TMEM178B: variants seen among roughly 807,000 people sequenced by gnomAD.
TMEM178B encodes transmembrane protein 178B.
TMEM178B carries 5 observed loss-of-function variants against 31.0 expected under a neutral mutation model. The ratio of observed to expected loss-of-function variants is 0.16; its 90% CI spans 0.08 to 0.34. The LOEUF (loss-of-function observed/expected upper bound fraction) is 0.34. Ranked by LOEUF, TMEM178B falls within the 10% of genes least tolerant of loss-of-function variation. The pLI is 1.00. For synonymous variants in TMEM178B, 164 were observed against 164.0 expected (o/e 1.00, Z 0.00); for missense variants, 275 against 400.3 (o/e 0.69, Z 2.67).
intron 2 of TMEM178B, among the ~76,000 whole-genome samples, chr7:141,427,807 C>A (rs1394841014): frequency 6.6e-6 from 1 of 152,124 alleles, no homozygotes; most frequent in African/African-American, 2.4e-5. Context: ...ATACATCTGA[C>A]AAGGGATTAA....
chr7:141,352,893 T>G (rs913086442), intron 2 of TMEM178B: 8 of 152,200 alleles, frequency 5.3e-5, no homozygotes, highest in African/African-American at 1.9e-4. Context: ...AGAAGTTTGT[T>G]GAGTATCCCA....
intron 2 of TMEM178B, among the ~76,000 whole-genome samples, chr7:141,368,705 T>C (rs977470122): frequency 1.2e-4 from 19 of 152,240 alleles, no homozygotes; most frequent in South Asian, 6.2e-4. Flanking sequence ...CTGGTTATCA[T>C]AGAAATCCTG....
chr7:141,141,405 A>C (rs908532611), intron 1 of TMEM178B, among the ~76,000 whole-genome samples: 1 of 152,150 alleles, frequency 6.6e-6, no homozygotes, highest in East Asian at 1.9e-4. Flanking sequence ...CTTTTATTGG[A>C]GAATGGCTTT....
chr7:141,188,488 C>T lies in TMEM178B; in HGVS notation c.383-24103C>T, dbSNP rs12703364. Among the ~76,000 whole-genome samples, 206 of 152,280 alleles carry T rather than the reference C, an allele frequency of 1.4e-3. 1 individual carries two copies. The highest frequency in any genetic ancestry group is 2.3e-3 in the Non-Finnish European group (155 of 68,022). ...GTAACTGCTCTTATTGGATGTAGGA[C>T]GAAACTGAGTCAGCAAGAAGTCAAG... On this transcript the variant is annotated intron_variant, in intron 1 of 3. Transcript: ENST00000565468.
chr7:141,404,348 G>A (rs958659741), intron 2 of TMEM178B, among the ~76,000 whole-genome samples: 17 of 152,078 alleles, frequency 1.1e-4, no homozygotes, highest in African/African-American at 3.9e-4. Flanking sequence ...CAAAAACAAC[G>A]GAAATTTATT....
chr7:141,193,688 G>A (rs1481679477), intron 1 of TMEM178B, among the ~76,000 whole-genome samples: 1 of 152,190 alleles, frequency 6.6e-6, no homozygotes, highest in Non-Finnish European at 1.5e-5. Context: ...GGGCTCCTGT[G>A]CATCCACCCT....
Position 141,329,838 on chromosome 7 carries a change from C to T in TMEM178B, c.497-107770C>T, listed in dbSNP as rs573039681. On this transcript the variant is annotated intron_variant, in intron 2 of 3. Coordinates refer to ENST00000565468, the MANE Select transcript of TMEM178B (RefSeq NM_001195278.2). ...AATAAAATAGGAGATGTGATCCCAG[C>T]TCATAAAGAGCTAAAAACAATCTGG... 1.4e-4 allele frequency among the ~76,000 whole-genome samples: 22 copies of T among 152,326 alleles called. No homozygotes were observed. The South Asian group carries it at 2.9e-3, about 20-fold the overall frequency.
chr7:141,333,209 C>T (rs1032362127), intron 2 of TMEM178B, among the ~76,000 whole-genome samples: 15 of 152,324 alleles, frequency 9.8e-5, no homozygotes, highest in African/African-American at 3.1e-4. Context: ...AGCTTGATCA[C>T]GCGTTAGTTG....
chr7:141,123,151 T>G (rs1450715004), intron 1 of TMEM178B, among the ~76,000 whole-genome samples: 1 of 152,252 alleles, frequency 6.6e-6, no homozygotes, highest in East Asian at 1.9e-4. Flanking sequence ...TGTCTCTTGA[T>G]GCTGTATCAA....
intron 3 of TMEM178B, among the ~76,000 whole-genome samples, chr7:141,443,187 T>C (rs372435942): frequency 6.6e-6 from 1 of 152,240 alleles, no homozygotes; most frequent in Non-Finnish European, 1.5e-5. Flanking sequence ...AGACTTCCCA[T>C]AGTATCCTCT....
intron 1 of TMEM178B, among the ~76,000 whole-genome samples, chr7:141,185,648 T>A (rs1796598472): frequency 6.6e-6 from 1 of 152,118 alleles, no homozygotes; most frequent in African/African-American, 2.4e-5. Flanking sequence ...GTCTTCTGGC[T>A]AGGGTCTCTG....
At chr7:141,237,821 C>T (rs1221780208) in intron 2 of TMEM178B, among the ~76,000 whole-genome samples, 5 of 151,886 alleles carry the variant, frequency 3.3e-5, no homozygotes, top group African/African-American at 1.2e-4. Flanking sequence ...GTCAGGAGCT[C>T]GAGAGCAGCC....
chr7:141,365,564 G>A (rs913552541), intron 2 of TMEM178B, among the ~76,000 whole-genome samples: 1 of 152,194 alleles, frequency 6.6e-6, no homozygotes, highest in African/African-American at 2.4e-5. Flanking sequence ...TCTTGACACA[G>A]AGCTAAATCA....
intron 2 of TMEM178B, among the ~76,000 whole-genome samples, chr7:141,324,087 G>T (rs1415226103): frequency 6.6e-6 from 1 of 152,116 alleles, no homozygotes; most frequent in Admixed American, 6.6e-5. Context: ...GTAAGAGAGA[G>T]CTTAGTGGGA....
chr7:141,278,183 G>A (rs190735084), intron 2 of TMEM178B, among the ~76,000 whole-genome samples: 1 of 152,356 alleles, frequency 6.6e-6, no homozygotes, highest in African/African-American at 2.4e-5. Flanking sequence ...ACAATCTCAA[G>A]CTTCAGAATG....
chr7:141,342,967 G>C (rs1799544527), intron 2 of TMEM178B, among the ~76,000 whole-genome samples: 1 of 152,194 alleles, frequency 6.6e-6, no homozygotes, highest in African/African-American at 2.4e-5. Context: ...CTGTACCACT[G>C]TTTCTCAAAC....
intron 2 of TMEM178B, among the ~76,000 whole-genome samples, chr7:141,390,125 GAA>G (rs1800508097): frequency 7.7e-6 from 1 of 129,282 alleles, no homozygotes; most frequent in African/African-American, 3.0e-5. Context: ...AAAAAAAAGA[GAA>G]AGAAAGAGAG....
chr7:141,209,948 G>A (rs1797028161), intron 1 of TMEM178B, among the ~76,000 whole-genome samples: 1 of 152,190 alleles, frequency 6.6e-6, no homozygotes, highest in South Asian at 2.1e-4. Flanking sequence ...GGGACTTTAT[G>A]CCTGAGGAGT....
intron 1 of TMEM178B, among the ~76,000 whole-genome samples, chr7:141,176,140 C>T (rs1269357815): frequency 2.0e-5 from 3 of 152,102 alleles, no homozygotes; most frequent in Non-Finnish European, 4.4e-5. Flanking sequence ...CCATCAATGC[C>T]CAGTTTATTG....
Sources: allele counts gnomAD v4.1 joint callset (sites outside exome capture counted in the v4.1 genomes callset), GRCh38; gene constraint gnomAD v4.1.1; transcripts MANE v1.5; gene names NCBI Gene and HGNC (gene_info 2026-07-23, HGNC 2026-07-21).